The following RADX variants were observed in gnomAD, a reference collection of about 807,000 sequenced individuals.
The protein encoded by RADX is RPA1 related single stranded DNA binding protein, X-linked, also known as RPA-related protein RADX.
A neutral mutation model predicts 61.6 loss-of-function variants in RADX; 36 were observed. The ratio of observed to expected loss-of-function variants is 0.58; its 90% confidence interval spans 0.45 to 0.77. The LOEUF is 0.77. Ranked by LOEUF, RADX falls within the 30% of genes least tolerant of loss-of-function variation. RADX has a pLI of 0.00. For missense variants in RADX, 497 were observed against 651.1 expected, an observed-to-expected ratio of 0.76 and a Z score of 2.58; for synonymous variants, 272 against 237.9, an observed-to-expected ratio of 1.14 and a Z score of -1.32.
At chrX:106,642,382 C>T (rs1290731453) in intron 10 of RADX, among the ~76,000 whole-genome samples, 1 of 111,341 alleles carries the variant, frequency 9.0e-6, no homozygotes, top group African/African-American at 3.3e-5. Context: ...ACCCGTTAAA[C>T]GTCTTCACTT....
chrX:106,652,605 T>C (rs1332143643), intron 11 of RADX, among the ~76,000 whole-genome samples: 2 of 108,687 alleles, frequency 1.8e-5, no homozygotes, highest in Non-Finnish European at 3.8e-5. Context: ...GTAAATAACC[T>C]GGTGGATTTT....
chrX:106,622,822 T>C lies in RADX; in HGVS notation c.786+29T>C, dbSNP rs757095504. 4.7e-5 allele frequency: 45 copies of C among 964,007 alleles called. No homozygotes were observed. In the South Asian group the frequency reaches 1.0e-3, roughly 22 times the overall value. The allele number at this position is 964,007 out of a possible 1,213,427, so 79.4% of individuals were successfully genotyped here. ...CAAGTAATAAGATATCATATGTTAA[T>C]TTAAAAGTTATAAATTATAGCTTAC... On this transcript the variant is annotated intron_variant, in intron 2 of 13. Coordinates refer to ENST00000372548, the MANE Select transcript of RADX (RefSeq NM_018015.6).
intron 11 of RADX, among the ~76,000 whole-genome samples, chrX:106,658,965 T>G (rs1603055960): frequency 3.2e-4 from 1 of 3,079 alleles, no homozygotes; most frequent in Non-Finnish European, 0.029. Context: ...TCCCATTACA[T>G]TTTTTTTTTT....
At chrX:106,659,023 C>T (rs1281014255) in intron 11 of RADX, among the ~76,000 whole-genome samples, 6 of 109,854 alleles carry the variant, frequency 5.5e-5, no homozygotes, top group African/African-American at 2.0e-4. Context: ...TGCAATGGCA[C>T]GATCATGGCT....
At chrX:106,628,699 C>T (rs1390685319) in intron 3 of RADX, among the ~76,000 whole-genome samples, 1 of 104,296 alleles carries the variant, frequency 9.6e-6, no homozygotes, top group African/African-American at 3.6e-5. Flanking sequence ...GCTGGAGTGG[C>T]GTGGTGCAAA....
chrX:106,667,910 G>A, intron 12 of RADX, among the ~76,000 whole-genome samples: 1 of 111,286 alleles, frequency 9.0e-6, no homozygotes, highest in Non-Finnish European at 1.9e-5. Flanking sequence ...GTTAAATTTA[G>A]TCTTAGAATC....
At chrX:106,642,470 G>A (rs1927541074) in intron 10 of RADX, among the ~76,000 whole-genome samples, 1 of 110,613 alleles carries the variant, frequency 9.0e-6, no homozygotes, top group African/African-American at 3.3e-5. Flanking sequence ...TCACTTGTTT[G>A]ATTTTTAGAT....
intron 12 of RADX, among the ~76,000 whole-genome samples, chrX:106,667,955 T>C (rs1928272731): frequency 8.9e-6 from 1 of 111,815 alleles, no homozygotes. Flanking sequence ...CACATTCATA[T>C]GAGTCTTGCA....
rs201227251 is a variant in RADX at position 106,669,172 on chromosome X, A to G, written c.2279A>G (p.His760Arg). Residue 760 changes from histidine to arginine, a missense_variant, in exon 13 of 14, where the codon CAT becomes CGT. Coordinates refer to ENST00000372548, the MANE Select transcript of RADX (RefSeq NM_018015.6). ...HFEVTILGLN[H>R]EIAIDVAFLP... ...GAACTTTCTTTAACAGGTCTGAACC[A>G]TGAGATAGCAATCGATGTTGCTTTC... The G allele has an allele frequency of 7.1e-4, 856 of 1,204,528 alleles. 1 individual carries two copies. Among genetic ancestry groups the G allele is most frequent in the Non-Finnish European group, 9.0e-4 (799 of 890,625 alleles).
intron 3 of RADX, among the ~76,000 whole-genome samples, chrX:106,628,806 T>C (rs1266109170): frequency 9.0e-6 from 1 of 110,683 alleles, no homozygotes; most frequent in East Asian, 2.8e-4. Context: ...GGCTACTTTT[T>C]GTATTTTTAG....
intron 2 of RADX, 71 bp downstream of exon 2, chrX:106,622,864 TATG>T: frequency 1.8e-6 from 1 of 541,744 alleles, no homozygotes; most frequent in Non-Finnish European, 2.8e-6. Context: ...CACTCCATAG[TATG>T]ATAACCTGTT....
chrX:106,641,213 T>C (rs1238710778), intron 10 of RADX, among the ~76,000 whole-genome samples: 1 of 110,795 alleles, frequency 9.0e-6, no homozygotes, highest in Non-Finnish European at 1.9e-5. Context: ...TCAGAAGTCC[T>C]GAGGGTTAGG....
chrX:106,647,441 T>G (rs1927686859), intron 10 of RADX, among the ~76,000 whole-genome samples: 1 of 111,175 alleles, frequency 9.0e-6, no homozygotes, highest in South Asian at 3.7e-4. Flanking sequence ...TAAAAGCTTC[T>G]GCAACAAACA....
intron 1 of RADX, among the ~76,000 whole-genome samples, chrX:106,615,414 A>C (rs73638910): frequency 2.1e-3 from 230 of 110,216 alleles, no homozygotes; most frequent in African/African-American, 7.3e-3. Flanking sequence ...TCGAATCTCT[A>C]ACCCCCCTCC....
At chrX:106,666,780 C>A (rs749804134) in intron 12 of RADX, among the ~76,000 whole-genome samples, 11 of 111,848 alleles carry the variant, frequency 9.8e-5, no homozygotes, top group Admixed American at 4.7e-4. Flanking sequence ...ACAAAAAAAT[C>A]TAGAAAAGAT....
At chrX:106,623,210 G>A (rs1375917547) in intron 2 of RADX, among the ~76,000 whole-genome samples, 1 of 111,326 alleles carries the variant, frequency 9.0e-6, no homozygotes, top group East Asian at 2.8e-4. Flanking sequence ...TACACTAGAT[G>A]TTTTTACTTT....
chrX:106,673,610 G>A (rs1416984582), intron 13 of RADX, among the ~76,000 whole-genome samples: 4 of 108,472 alleles, frequency 3.7e-5, no homozygotes, highest in African/African-American at 1.3e-4. Flanking sequence ...CTGGGGTTAA[G>A]GGAGGGGTGA....
chrX:106,642,506 T>C (rs756794220), intron 10 of RADX, among the ~76,000 whole-genome samples: 8 of 111,907 alleles, frequency 7.1e-5, no homozygotes, highest in African/African-American at 2.6e-4. Context: ...GAACATGGAA[T>C]GTTTATCTTT....
intron 2 of RADX, among the ~76,000 whole-genome samples, chrX:106,623,751 A>G (rs1181952052): frequency 9.0e-6 from 1 of 111,704 alleles, no homozygotes; most frequent in African/African-American, 3.3e-5. Context: ...AATGGGAACC[A>G]TATTGTGCAT....
Sources: allele counts gnomAD v4.1 joint callset (sites outside exome capture counted in the v4.1 genomes callset), GRCh38; gene constraint gnomAD v4.1.1; transcripts MANE v1.5; gene names NCBI Gene and HGNC (gene_info 2026-07-23, HGNC 2026-07-21).